Variants in ZNF865 observed in about 807,000 individuals in gnomAD.
ZNF865 encodes zinc finger protein 865.
For missense variants in ZNF865, 1,311 were observed against 1,593.4 expected, an observed-to-expected ratio of 0.82 and a Z score of 3.02; for synonymous variants, 763 against 750.8, an observed-to-expected ratio of 1.02 and a Z score of -0.27.
chr19:55,615,056 GC>G lies in ZNF865; in HGVS notation c.1442del (p.Pro481ArgfsTer85). ...AEAPKDGAAS[A>X]PQPPPTFPPG... ...GGCGCCCAAGGACGGGGCGGCCTCG[GC>G]CCCGCAGCCCCCGCCCACCTTCCCC... On this transcript the variant is annotated frameshift_variant, in exon 2 of 2. Coordinates refer to ENST00000568956, the MANE Select transcript of ZNF865 (RefSeq NM_001195605.2). LOFTEE classifies it low-confidence loss of function (END_TRUNC). 2 of 1,232,584 alleles carry G rather than the reference GC, an allele frequency of 1.6e-6. No individual in the cohort carries two copies. The highest frequency in any genetic ancestry group is 2.4e-5 in the South Asian group (1 of 41,286). The allele number at this position is 1,232,584 out of a possible 1,614,324, so 76.4% of individuals were successfully genotyped here.
At chr19:55,607,448 A>G (rs1489759270) in intron 1 of ZNF865, among the ~76,000 whole-genome samples, 1 of 149,850 alleles carries the variant, frequency 6.7e-6, no homozygotes, top group Admixed American at 6.6e-5. Context: ...GGAAAAAAAA[A>G]AAAAAAAAAA....
chr19:55,614,070 A>C lies in ZNF865; in HGVS notation c.452A>C (p.Asp151Ala). Residue 151 changes from aspartate (D) to alanine (A), a missense_variant, in exon 2 of 2, where the codon GAC becomes GCC. Transcript: ENST00000568956. The surrounding 1 kb of genome is among the most constrained non-coding windows in gnomAD (Gnocchi z 8.0). Reference protein sequence around the residue: ...AFPTPQWGIVDLSGHQHLFGN... With the variant: ...AFPTPQWGIVALSGHQHLFGN... The stretch of plus-strand genomic sequence containing the variant: ...CCCACTCCGCAGTGGGGCATCGTGG[A>C]CCTCTCGGGGCACCAGCACTTGTTT... 1 of 1,442,982 alleles carries C rather than the reference A, an allele frequency of 6.9e-7. No homozygotes were observed. The allele number at this position is 1,442,982 out of a possible 1,614,324, so 89.4% of individuals were successfully genotyped here.
At chr19:55,606,489 C>T (rs999167267) in intron 1 of ZNF865, among the ~76,000 whole-genome samples, 1 of 152,202 alleles carries the variant, frequency 6.6e-6, no homozygotes, top group Non-Finnish European at 1.5e-5. Flanking sequence ...CTCACCCCAC[C>T]CTCATCGCGG....
intron 1 of ZNF865, chr19:55,613,147 C>G: frequency 6.3e-6 from 1 of 158,836 alleles, no homozygotes. Flanking sequence ...CTGTAATCAC[C>G]CAGCACTTTG....
chr19:55,615,886 G>A lies in ZNF865; in HGVS notation c.2268G>A (p.Glu756=), dbSNP rs1032927023. The change falls in exon 2 of 2, where the codon GAG becomes GAA. Residue 756 remains glutamate, a synonymous_variant. Coordinates refer to ENST00000568956, the MANE Select transcript of ZNF865 (RefSeq NM_001195605.2). ...ASVLDNGLAG[E]VGAAVAALAG... ...TGCTGGACAACGGGCTGGCGGGGGA[G>A]GTGGGGGCGGCCGTGGCGGCACTGG... is the stretch of plus-strand genomic sequence containing the variant. The A allele has an allele frequency of 1.4e-5, 21 of 1,475,994 alleles. 1 individual carries two copies. The highest frequency in any genetic ancestry group is 2.9e-5 in the African/African-American group (2 of 68,466). The allele number at this position is 1,475,994 out of a possible 1,614,324, so 91.4% of individuals were successfully genotyped here. A position where few individuals can be genotyped will look rare whatever the true frequency, so the allele number is the denominator to read the frequency against.
Position 55,615,283 on chromosome 19 carries a change from C to T in ZNF865, c.1665C>T (p.Cys555=). Reference sequence around the variant, plus strand: ...GAAAGACGTTCTGCTGCGGCATCTGCGGGCGCGGCTTCGGGCGCCGCGAGA... The same window carrying T: ...GAAAGACGTTCTGCTGCGGCATCTGTGGGCGCGGCTTCGGGCGCCGCGAGA... ...VPGKTFCCGI[C]GRGFGRRETL... Residue 555 remains cysteine, a synonymous_variant, in exon 2 of 2, where the codon TGC becomes TGT. Coordinates refer to ENST00000568956, the MANE Select transcript of ZNF865 (RefSeq NM_001195605.2). The T allele has an allele frequency of 6.6e-7, 1 of 1,526,166 alleles. No homozygotes were observed. Among genetic ancestry groups the T allele is most frequent in the Non-Finnish European group, 8.7e-7 (1 of 1,143,240 alleles). 94.5% of individuals were successfully genotyped at this position (1,526,166 alleles called of 1,614,324 possible).
chr19:55,605,934 G>C (rs888529268), intron 1 of ZNF865, among the ~76,000 whole-genome samples: 1 of 152,124 alleles, frequency 6.6e-6, no homozygotes, highest in Non-Finnish European at 1.5e-5. Flanking sequence ...CCCCAGCTAG[G>C]ATGGCTGCCA....
intron 1 of ZNF865, among the ~76,000 whole-genome samples, chr19:55,607,956 A>G (rs1981001097): frequency 6.6e-6 from 1 of 152,244 alleles, no homozygotes; most frequent in African/African-American, 2.4e-5. Flanking sequence ...AGCAAGAGAT[A>G]AAAATCCTTG....
Position 55,613,918 on chromosome 19 carries a change from C to CTCCTCCTCCTCT in ZNF865, c.303_314dup (p.Ser114_Ser117dup). The CTCCTCCTCCTCT allele has an allele frequency of 1.3e-6, 2 of 1,523,472 alleles. No individual in the cohort carries two copies. The highest frequency in any genetic ancestry group is 1.8e-6 in the Non-Finnish European group (2 of 1,136,476). The allele number at this position is 1,523,472 out of a possible 1,614,324, so 94.4% of individuals were successfully genotyped here. ...CCTCCTCGTCCTCGTCCTCGTCCTC[C>CTCCTCCTCCTCT]TCCTCCTCCTCTTCGTCCTCCTCGT... On this transcript the variant is annotated inframe_insertion, in exon 2 of 2. Coordinates refer to ENST00000568956, the MANE Select transcript of ZNF865 (RefSeq NM_001195605.2).
At chr19:55,606,450 G>GGCTCCCATGACAT (rs1435699612) in intron 1 of ZNF865, among the ~76,000 whole-genome samples, 6 of 152,150 alleles carry the variant, frequency 3.9e-5, no homozygotes, top group African/African-American at 1.4e-4. Context: ...CTTAGCTCCA[G>GGCTCCCATGACAT]GCTCCCATGA....
At position 55,614,906 on chromosome 19, in the gene ZNF865, G is replaced by A; in HGVS notation, c.1288G>A (p.Ala430Thr). 6.7e-7 allele frequency: 1 copy of A among 1,486,844 alleles called. No individual in the cohort carries two copies. The highest frequency in any genetic ancestry group is 8.9e-7 in the Non-Finnish European group (1 of 1,123,812). The allele number at this position is 1,486,844 out of a possible 1,614,324, so 92.1% of individuals were successfully genotyped here. A position where few individuals can be genotyped will look rare whatever the true frequency, so the allele number is the denominator to read the frequency against. ...SYLLKHQAAH[A>T]GAGAGGPRPV... Reference sequence around the variant, plus strand: ...CCTCCTCAAGCACCAGGCGGCCCACGCGGGGGCGGGCGCCGGGGGGCCTCG... The same window carrying A: ...CCTCCTCAAGCACCAGGCGGCCCACACGGGGGCGGGCGCCGGGGGGCCTCG... The change falls in exon 2 of 2, where the codon GCG (alanine) becomes ACG (threonine). Residue 430 changes from alanine to threonine, a missense_variant. Coordinates refer to ENST00000568956, the MANE Select transcript of ZNF865 (RefSeq NM_001195605.2). This position sits in a 1 kb window ranked among gnomAD's most constrained non-coding sequence, Gnocchi z 8.0.
rs1362177093 is a variant in ZNF865, at chr19:55,616,732, G to T, written c.3114G>T (p.Ala1038=). Residue 1038 remains alanine, a synonymous_variant, in exon 2 of 2, where the codon GCG becomes GCT. Transcript: ENST00000568956. ...NTYGLKKHRL[A]HKAENLGGPG... The stretch of plus-strand genomic sequence containing the variant: ...ACGGCCTCAAGAAACACCGCCTGGC[G>T]CACAAGGCCGAGAACCTCGGGGGGC... 4.7e-6 allele frequency: 7 copies of T among 1,504,924 alleles called. No individual in the cohort carries two copies. The South Asian group carries it at 6.2e-5, about 13-fold the overall frequency. The allele number at this position is 1,504,924 out of a possible 1,614,324, so 93.2% of individuals were successfully genotyped here.
Position 55,614,102 on chromosome 19 carries a change from C to T in ZNF865, c.484C>T (p.Leu162=). The change falls in exon 2 of 2, where the codon CTG becomes TTG. Residue 162 remains leucine, a synonymous_variant. Coordinates refer to ENST00000568956, the MANE Select transcript of ZNF865 (RefSeq NM_001195605.2). This position sits in a 1 kb window ranked among gnomAD's most constrained non-coding sequence, Gnocchi z 8.0. The part of the protein sequence containing the change: ...LSGHQHLFGN[L]KRGGPASGPG... ...GGGGCACCAGCACTTGTTTGGGAAC[C>T]TGAAGCGAGGAGGGCCCGCGTCCGG... 1 of 1,435,600 alleles carries T rather than the reference C, an allele frequency of 7.0e-7. No individual in the cohort carries two copies. Among genetic ancestry groups the T allele is most frequent in the South Asian group, 1.5e-5 (1 of 67,742 alleles). The allele number at this position is 1,435,600 out of a possible 1,614,324, so 88.9% of individuals were successfully genotyped here.
chr19:55,611,486 A>C lies in ZNF865; in HGVS notation c.-26-2107A>C, dbSNP rs310466. 0.26 allele frequency among the ~76,000 whole-genome samples: 39,508 copies of C among 152,122 alleles called. 7,826 individuals carry two copies. The highest frequency in any genetic ancestry group is 0.56 in the African/African-American group (23,039 of 41,472). On this transcript the variant is annotated intron_variant, in intron 1 of 1. Coordinates refer to ENST00000568956, the MANE Select transcript of ZNF865 (RefSeq NM_001195605.2). The surrounding 1 kb of genome is among the most constrained non-coding windows in gnomAD (Gnocchi z 4.5). Reference sequence around the variant, plus strand: ...AGCCTTCCAATTACCACCCCAGCCAAGCCTGTCCTCTTTCCGGAGATCAGA... The same window carrying C: ...AGCCTTCCAATTACCACCCCAGCCACGCCTGTCCTCTTTCCGGAGATCAGA...
At chr19:55,607,007 G>A (rs1304338867) in intron 1 of ZNF865, among the ~76,000 whole-genome samples, 1 of 152,180 alleles carries the variant, frequency 6.6e-6, no homozygotes, top group East Asian at 1.9e-4. Flanking sequence ...GTGAGTGGAG[G>A]AGCAGCAGGG....
rs915469869 is a variant in ZNF865, at chr19:55,615,164, G to C, written c.1546G>C (p.Gly516Arg). Residue 516 changes from glycine (G) to arginine (R), a missense_variant, in exon 2 of 2, where the codon GGC becomes CGC. Transcript: ENST00000568956. ...AAAAAAAVVY[G>R]AVPVPLLGAH... ...GGCGGCCGCGGCGGCGGTGGTGTAC[G>C]GCGCTGTGCCCGTCCCGCTCCTGGG... The C allele has an allele frequency of 7.5e-7, 1 of 1,335,242 alleles. No homozygotes were observed. Among genetic ancestry groups the C allele is most frequent in the Admixed American group, 4.2e-5 (1 of 23,848 alleles). 82.7% of individuals were successfully genotyped at this position (1,335,242 alleles called of 1,614,324 possible).
Position 55,615,008 on chromosome 19 carries a change from GC to G in ZNF865, c.1394del (p.Pro465ArgfsTer101). 1 of 1,362,624 alleles carries G rather than the reference GC, an allele frequency of 7.3e-7. No individual in the cohort carries two copies. The highest frequency in any genetic ancestry group is 9.4e-7 in the Non-Finnish European group (1 of 1,063,654). The allele number at this position is 1,362,624 out of a possible 1,614,324, so 84.4% of individuals were successfully genotyped here. On this transcript the variant is annotated frameshift_variant, in exon 2 of 2. Coordinates refer to ENST00000568956, the MANE Select transcript of ZNF865 (RefSeq NM_001195605.2). LOFTEE classifies it low-confidence loss of function (END_TRUNC). ...CCTGCTCCGCCACAAGGCCGCCCAC[GC>G]CCCGCCCGCTGCCGCTGCGGAGGCG... ...QSLLRHKAAH[A>X]PPAAAAEAPK...
Position 55,614,536 on chromosome 19 carries a change from C to A in ZNF865, c.918C>A (p.Ala306=). ...CACCCGCTGCCAGCGCCGCCACCGC[C>A]GCCGCCCCCTCCACGGTGTCCTCGG... ...LPAPAASAAT[A]AAPSTVSSGP... Residue 306 remains alanine (A), a synonymous_variant, in exon 2 of 2, where the codon GCC becomes GCA. Transcript: ENST00000568956. This position sits in a 1 kb window ranked among gnomAD's most constrained non-coding sequence, Gnocchi z 8.0. The A allele has an allele frequency of 2.9e-6, 4 of 1,395,042 alleles. No individual in the cohort carries two copies. Among genetic ancestry groups the A allele is most frequent in the African/African-American group, 3.1e-5 (2 of 65,314 alleles). The allele number at this position is 1,395,042 out of a possible 1,614,324, so 86.4% of individuals were successfully genotyped here. A position where few individuals can be genotyped will look rare whatever the true frequency, so the allele number is the denominator to read the frequency against.
intron 1 of ZNF865, among the ~76,000 whole-genome samples, chr19:55,610,145 A>C (rs1008176637): frequency 3.3e-5 from 5 of 152,148 alleles, no homozygotes; most frequent in African/African-American, 1.2e-4. Flanking sequence ...CACAAATACC[A>C]AGATAGACAT....
Sources: gnomAD v4.1 joint callset for allele counts (sites outside exome capture counted in the v4.1 genomes callset) on GRCh38, gnomAD v4.1.1 for gene constraint, Gnocchi (gnomAD v3.1) non-coding constraint, MANE v1.5 for transcripts, NCBI Gene and HGNC (gene_info 2026-07-23, HGNC 2026-07-21) for gene names.